Variants in PPP6R2 observed in about 807,000 individuals in gnomAD.
PPP6R2 encodes the protein serine/threonine-protein phosphatase 6 regulatory subunit 2.
In PPP6R2, 62 loss-of-function variants were observed where a neutral mutation model predicts 100.2. The ratio of observed to expected loss-of-function variants is 0.62; its 90% CI spans 0.50 to 0.76. PPP6R2 has a LOEUF of 0.76. Among genes scored for constraint, PPP6R2 ranks in the 30% least tolerant of loss-of-function variants. The pLI, the probability that PPP6R2 is intolerant of heterozygous loss-of-function variation, is 0.00. For missense variants in PPP6R2, 1,142 were observed against 1,276.3 expected, an observed-to-expected ratio of 0.89 and a Z score of 1.60; for synonymous variants, 525 against 514.7, an observed-to-expected ratio of 1.02 and a Z score of -0.27.
intron 3 of PPP6R2, among the ~76,000 whole-genome samples, chr22:50,399,813 G>A (rs928196566): frequency 1.3e-5 from 2 of 152,216 alleles, no homozygotes; most frequent in African/African-American, 2.4e-5. Context: ...GTCACCTTCT[G>A]GAGTCAGAGC....
chr22:50,432,294 G>T lies in PPP6R2; in HGVS notation c.1365G>T (p.Arg455Ser). The change falls in exon 12 of 24, where the codon AGG (arginine) becomes AGT (serine). Residue 455 changes from arginine to serine, a missense_variant. By Grantham distance (110) the Arg-to-Ser change is moderately radical. Around this residue, in one of 2 missense-constraint regions of PPP6R2, gnomAD observed 592 missense variants for 758.9 expected, o/e 0.78. Coordinates refer to ENST00000612753, the MANE Select transcript of PPP6R2 (RefSeq NM_001242898.2). ...HLFQKCCLVQ[R>S]ILEAWEANDH... The stretch of plus-strand genomic sequence containing the variant: ...TCCAGAAGTGCTGCCTGGTGCAGAG[G>T]ATCCTGGAGGCCTGGGAAGCCAACG... 1 of 1,549,844 alleles carries T rather than the reference G, an allele frequency of 6.5e-7. No homozygotes were observed. Among genetic ancestry groups the T allele is most frequent in the East Asian group, 2.4e-5 (1 of 40,948 alleles).
At chr22:50,364,689 G>A (rs1339883088) in intron 1 of PPP6R2, among the ~76,000 whole-genome samples, 1 of 152,198 alleles carries the variant, frequency 6.6e-6, no homozygotes, top group Admixed American at 6.5e-5. Context: ...TTGTCAAATA[G>A]AGAAAGTGGG....
At position 50,431,424 on chromosome 22, in the gene PPP6R2, C is replaced by A; in HGVS notation, c.1335+42C>A. The A allele has an allele frequency of 6.5e-7, 1 of 1,546,034 alleles. No homozygotes were observed. The highest frequency in any genetic ancestry group is 8.9e-7 in the Non-Finnish European group (1 of 1,129,842). The stretch of plus-strand genomic sequence containing the variant: ...TCCATCTTATCAGCGCCAACTGCGC[C>A]CCACTCAGACCGTGTCCATGTCAGC... On this transcript the variant is annotated intron_variant, in intron 11 of 23. Transcript: ENST00000612753. This position sits in a 1 kb window ranked among gnomAD's most constrained non-coding sequence, Gnocchi z 4.8.
Position 50,444,982 on chromosome 22 carries a change from G to A in PPP6R2, c.*735G>A, listed in dbSNP as rs9617007. The A allele has an allele frequency of 7.8e-3, 1,186 of 152,658 alleles. 13 individuals carry two copies. The highest frequency in any genetic ancestry group is 0.012 in the Non-Finnish European group (817 of 68,072). 9.5% of individuals were successfully genotyped at this position (152,658 alleles called of 1,614,324 possible). A position where few individuals can be genotyped will look rare whatever the true frequency, so the allele number is the denominator to read the frequency against. On this transcript the variant is annotated 3_prime_UTR_variant, in exon 24 of 24. Coordinates refer to ENST00000612753, the MANE Select transcript of PPP6R2 (RefSeq NM_001242898.2). ...TACCGGTCACGGCCATGTCGTCCTA[G>A]AAGGGTCCAGAAGATTATTTTACGT...
At chr22:50,337,393 AGTGT>A in the PPP6R2 span, among the ~76,000 whole-genome samples, 11 of 55,158 alleles carry the variant, frequency 2.0e-4, no homozygotes, top group African/African-American at 7.2e-4. Flanking sequence ...GTGTGTGTGT[AGTGT>A]GTGTGTGCGA....
intron 1 of PPP6R2, among the ~76,000 whole-genome samples, chr22:50,370,431 G>C (rs569443936): frequency 1.4e-3 from 212 of 151,690 alleles, no homozygotes; most frequent in Non-Finnish European, 2.2e-3. Context: ...GGGATTACAG[G>C]CGCCTGCCAC....
intron 2 of PPP6R2, among the ~76,000 whole-genome samples, chr22:50,373,456 G>A (rs1026005835): frequency 2.0e-5 from 3 of 151,742 alleles, no homozygotes; most frequent in African/African-American, 7.3e-5. Context: ...TGTTAGCCAG[G>A]ATGGTCTCGA....
chr22:50,402,736 T>G (rs1320445270), intron 3 of PPP6R2, among the ~76,000 whole-genome samples: 1 of 152,242 alleles, frequency 6.6e-6, no homozygotes, highest in Non-Finnish European at 1.5e-5. Flanking sequence ...TCTGCTGTGT[T>G]TGACTGGAAT....
At chr22:50,352,482 C>G (rs2045523633) in intron 1 of PPP6R2, among the ~76,000 whole-genome samples, 1 of 152,084 alleles carries the variant, frequency 6.6e-6, no homozygotes, top group Admixed American at 6.6e-5. Flanking sequence ...GTAATCCCAG[C>G]ACTTTGTGAG....
chr22:50,432,203 G>A, intron 11 of PPP6R2, 62 bp from the exon 12 acceptor site: 1 of 1,443,926 alleles, frequency 6.9e-7, no homozygotes, highest in Non-Finnish European at 9.5e-7. Context: ...CCAGGGATGG[G>A]TGGAGGGGTG....
intron 2 of PPP6R2, among the ~76,000 whole-genome samples, chr22:50,381,759 T>G (rs1295300876): frequency 6.6e-6 from 1 of 151,620 alleles, no homozygotes; most frequent in African/African-American, 2.4e-5. Context: ...ATACAAAAAA[T>G]TAGCCGGGCA....
chr22:50,382,508 A>G (rs2053324947), intron 2 of PPP6R2, among the ~76,000 whole-genome samples: 2 of 148,638 alleles, frequency 1.3e-5, no homozygotes, highest in African/African-American at 2.4e-5. Flanking sequence ...AAAAGGGTGA[A>G]AATCCGTCTC....
At chr22:50,382,219 A>G (rs1317854319) in intron 2 of PPP6R2, among the ~76,000 whole-genome samples, 1 of 152,216 alleles carries the variant, frequency 6.6e-6, no homozygotes, top group East Asian at 1.9e-4. Context: ...ATGTATGTAG[A>G]AAATCCAAAA....
In PPP6R2 at chr22:50,423,792, T is replaced by C. The variant is rs2061636032; in HGVS notation, c.1125+178T>C. On this transcript the variant is annotated intron_variant, in intron 10 of 23. Coordinates refer to ENST00000612753, the MANE Select transcript of PPP6R2 (RefSeq NM_001242898.2). This position sits in a 1 kb window ranked among gnomAD's most constrained non-coding sequence, Gnocchi z 4.8. ...TCTCTGGCGGGGCACAGAGCAGCAG[T>C]GGGGTGTGTCTCAGCTGCAGGCTCA... Among the ~76,000 whole-genome samples, 1 of 152,098 alleles carries C rather than the reference T, an allele frequency of 6.6e-6. No individual in the cohort carries two copies. The highest frequency in any genetic ancestry group is 2.4e-5 in the African/African-American group (1 of 41,408).
At chr22:50,412,971 T>C (rs1193982067) in intron 4 of PPP6R2, among the ~76,000 whole-genome samples, 2 of 149,890 alleles carry the variant, frequency 1.3e-5, no homozygotes, top group African/African-American at 2.5e-5. Flanking sequence ...TTTTTGTTTT[T>C]TTTTTTGAGA....
intron 2 of PPP6R2, among the ~76,000 whole-genome samples, chr22:50,384,338 G>A (rs1459394411): frequency 6.6e-6 from 1 of 152,084 alleles, no homozygotes; most frequent in Non-Finnish European, 1.5e-5. Context: ...GGCAGATCAC[G>A]AGGTCAGTAG....
chr22:50,377,452 T>TA (rs1555993197), intron 2 of PPP6R2, among the ~76,000 whole-genome samples: 13 of 151,370 alleles, frequency 8.6e-5, no homozygotes, highest in Middle Eastern at 3.2e-3. Context: ...TCAATAATAA[T>TA]AATAATAATT....
At chr22:50,369,628 C>T (rs886285507) in intron 1 of PPP6R2, among the ~76,000 whole-genome samples, 3 of 152,096 alleles carry the variant, frequency 2.0e-5, no homozygotes, top group Non-Finnish European at 4.4e-5. Flanking sequence ...ATTCTCTTGC[C>T]TCAGCCTCCT....
upstream of PPP6R2, among the ~76,000 whole-genome samples, chr22:50,341,003 C>T (rs529676596): frequency 1.2e-4 from 19 of 152,188 alleles, no homozygotes; most frequent in Middle Eastern, 3.4e-3. Flanking sequence ...CTTCACCTCC[C>T]GGGTTCAAGT....
Sources: gnomAD v4.1 joint callset for allele counts (sites outside exome capture counted in the v4.1 genomes callset) on GRCh38, gnomAD v4.1.1 for gene constraint, gnomAD v4.1.1 regional missense constraint, Gnocchi (gnomAD v3.1) non-coding constraint, MANE v1.5 for transcripts, NCBI Gene and HGNC (gene_info 2026-07-23, HGNC 2026-07-21) for gene names.